The following RAPGEF4 variants were observed in gnomAD, a reference collection of about 807,000 sequenced individuals.
The protein encoded by RAPGEF4 is RAP guanine-nucleotide-exchange factor (GEF) 4.
Under a neutral mutation model 147.9 loss-of-function variants are expected in RAPGEF4, and 66 were observed. The observed-to-expected ratio is 0.45, with a 90% CI of 0.37 to 0.55. RAPGEF4 has a LOEUF of 0.55. RAPGEF4 is among the 20% of genes least tolerant of loss of function. RAPGEF4 has a pLI of 0.00. For missense variants in RAPGEF4, 1,071 were observed against 1,257.3 expected, an observed-to-expected ratio of 0.85 and a Z score of 2.24; for synonymous variants, 419 against 442.7, an observed-to-expected ratio of 0.95 and a Z score of 0.67.
At chr2:173,023,038 T>C (rs1696262567) in intron 23 of RAPGEF4, among the ~76,000 whole-genome samples, 1 of 152,120 alleles carries the variant, frequency 6.6e-6, no homozygotes, top group South Asian at 2.1e-4. Flanking sequence ...TCCTTGTACC[T>C]CAGTGAGCAA....
intron 2 of RAPGEF4, among the ~76,000 whole-genome samples, chr2:172,796,869 C>A (rs1686428452): frequency 6.6e-6 from 1 of 152,150 alleles, no homozygotes; most frequent in Non-Finnish European, 1.5e-5. Context: ...TTTAAAAGGA[C>A]AGTTAGTTTG....
chr2:172,910,143 G>A (rs1699960505), intron 4 of RAPGEF4, among the ~76,000 whole-genome samples: 1 of 152,162 alleles, frequency 6.6e-6, no homozygotes, highest in Admixed American at 6.5e-5. Flanking sequence ...CTTCAGGCTT[G>A]GGCTCCCAAA....
intron 4 of RAPGEF4, among the ~76,000 whole-genome samples, chr2:172,915,758 G>T (rs957371423): frequency 7.2e-5 from 11 of 151,860 alleles, no homozygotes; most frequent in African/African-American, 1.9e-4. Context: ...TCTAGAAGGG[G>T]TAAGTGGATA....
At chr2:172,825,325 G>T (rs1399151377) in intron 4 of RAPGEF4, among the ~76,000 whole-genome samples, 1 of 152,212 alleles carries the variant, frequency 6.6e-6, no homozygotes, top group Non-Finnish European at 1.5e-5. Flanking sequence ...GTGAAAACCA[G>T]AATGGTTGTA....
chr2:172,960,907 C>T, intron 7 of RAPGEF4, 94 bp downstream of exon 7: 1 of 1,078,168 alleles, frequency 9.3e-7, no homozygotes, highest in African/African-American at 1.6e-5. Flanking sequence ...ATCAGGAAGC[C>T]TCTGATACAT....
At position 172,880,587 on chromosome 2, in the gene RAPGEF4, G is replaced by A. The variant is rs192971587; in HGVS notation, c.445-37215G>A. ...GGGCTTTCCTTGGTTGGATATAAGG[G>A]AAATGTATAGAAGCACGATAATTAA... On this transcript the variant is annotated intron_variant, in intron 4 of 30. Coordinates refer to ENST00000397081, the MANE Select transcript of RAPGEF4 (RefSeq NM_007023.4). Among the ~76,000 whole-genome samples the A allele has an allele frequency of 1.6e-3, 239 of 152,308 alleles. 1 individual carries two copies. The highest frequency in any genetic ancestry group is 5.3e-3 in the African/African-American group (221 of 41,570).
At chr2:173,048,810 A>G (rs1685825332) in intron 30 of RAPGEF4, among the ~76,000 whole-genome samples, 156 bp downstream of exon 30, 2 of 152,206 alleles carry the variant, frequency 1.3e-5, no homozygotes, top group Admixed American at 1.3e-4. Context: ...TTGAGTTTAA[A>G]GATTTTTTTT....
At chr2:172,952,756 A>G (rs990324738) in intron 6 of RAPGEF4, among the ~76,000 whole-genome samples, 2 of 152,232 alleles carry the variant, frequency 1.3e-5, no homozygotes, top group Admixed American at 6.5e-5. Context: ...TCTAACAGAT[A>G]TAGATATACC....
intron 2 of RAPGEF4, among the ~76,000 whole-genome samples, 165 bp downstream of exon 2, chr2:172,795,332 T>C (rs1272558425): frequency 1.3e-5 from 2 of 152,242 alleles, no homozygotes; most frequent in African/African-American, 4.8e-5. Flanking sequence ...TTCAGTTGCA[T>C]GTAGGTGTTT....
At chr2:172,860,105 T>G in intron 4 of RAPGEF4, 1 of 985,342 alleles carries the variant, frequency 1.0e-6, no homozygotes, top group Non-Finnish European at 1.2e-6. Flanking sequence ...CGCAGAAACA[T>G]TAGTGCTAAT....
intron 6 of RAPGEF4, among the ~76,000 whole-genome samples, chr2:172,937,326 C>T (rs1215775239): frequency 2.0e-5 from 3 of 152,134 alleles, no homozygotes; most frequent in Non-Finnish European, 2.9e-5. Context: ...CACATTCAGT[C>T]GCCATGTCTC....
Position 173,017,457 on chromosome 2 carries a change from G to A in RAPGEF4, c.1961G>A (p.Gly654Asp). The part of the protein sequence containing the change: ...HKVLLQQFNT[G>D]DERAQKRQPI... ...GTTCTTTTGCAACAGTTCAATACGG[G>A]CGATGAGAGAGCCCAGAAGCGCCAG... The change falls in exon 21 of 31, where the codon GGC (glycine) becomes GAC (aspartate). Residue 654 changes from glycine to aspartate, a missense_variant. Physicochemically the swap from Gly to Asp is moderately conservative, Grantham distance 94. Transcript: ENST00000397081. 6.2e-7 allele frequency: 1 copy of A among 1,614,176 alleles called. No individual in the cohort carries two copies. The highest frequency in any genetic ancestry group is 8.5e-7 in the Non-Finnish European group (1 of 1,180,028).
intron 23 of RAPGEF4, among the ~76,000 whole-genome samples, chr2:173,023,060 AG>A (rs1308442202): frequency 1.3e-5 from 2 of 152,134 alleles, no homozygotes; most frequent in African/African-American, 4.8e-5. Context: ...CAGTGTAGTG[AG>A]GCACCCCCGC....
At chr2:172,814,478 G>A (rs768005198) in intron 4 of RAPGEF4, 53 bp downstream of exon 4, 11 of 1,570,934 alleles carry the variant, frequency 7.0e-6, no homozygotes, top group Non-Finnish European at 7.9e-6. Context: ...AAGAAAGGGA[G>A]CTGCCACATG....
intron 17 of RAPGEF4, among the ~76,000 whole-genome samples, chr2:173,003,938 A>G (rs1475815427): frequency 6.6e-6 from 1 of 152,236 alleles, no homozygotes; most frequent in Non-Finnish European, 1.5e-5. Flanking sequence ...ATGTTTCATT[A>G]GTCAGTTGCT....
Position 172,737,325 on chromosome 2 carries a change from A to G in RAPGEF4, c.65+1277A>G, listed in dbSNP as rs148321481. ...AGGATTATGTAGAAGAACTAAGAGT[A>G]TTTAAAGTATAGAGGTTGTTAATGT... On this transcript the variant is annotated intron_variant, in intron 1 of 30. Coordinates refer to ENST00000397081, the MANE Select transcript of RAPGEF4 (RefSeq NM_007023.4). Among the ~76,000 whole-genome samples the G allele has an allele frequency of 7.2e-5, 11 of 152,366 alleles. No homozygotes were observed. In the East Asian group the frequency reaches 1.7e-3, roughly 24 times the overall value.
At chr2:172,887,319 C>A (rs1697353792) in intron 4 of RAPGEF4, among the ~76,000 whole-genome samples, 2 of 152,106 alleles carry the variant, frequency 1.3e-5, no homozygotes, top group Admixed American at 1.3e-4. Flanking sequence ...CTGCTGTTAC[C>A]ATTTTAAGCA....
chr2:172,835,717 ATTAT>A (rs1222697696), intron 4 of RAPGEF4, among the ~76,000 whole-genome samples: 4 of 152,224 alleles, frequency 2.6e-5, no homozygotes, highest in Non-Finnish European at 2.9e-5. Context: ...TGATAATAAA[ATTAT>A]TTATCCTTAT....
At chr2:173,029,598 G>T (rs1170103089) in intron 25 of RAPGEF4, among the ~76,000 whole-genome samples, 1 of 152,182 alleles carries the variant, frequency 6.6e-6, no homozygotes, top group Non-Finnish European at 1.5e-5. Context: ...TTCTTGGTCA[G>T]TTGTTTAGGT....
Sources: gnomAD v4.1 joint callset for allele counts (sites outside exome capture counted in the v4.1 genomes callset) on GRCh38, gnomAD v4.1.1 for gene constraint, MANE v1.5 for transcripts, NCBI Gene and HGNC (gene_info 2026-07-23, HGNC 2026-07-21) for gene names.